The following EEF2K variants were observed in gnomAD, a reference collection of about 807,000 sequenced individuals.
EEF2K encodes alternative protein EEF2K.
In EEF2K, 70 loss-of-function variants were observed where a neutral mutation model predicts 93.8. The ratio of observed to expected loss-of-function variants is 0.75; its 90% CI spans 0.62 to 0.91. The LOEUF (loss-of-function observed/expected upper bound fraction) is 0.91, where lower values mean the gene tolerates loss of function less well. Ranked by LOEUF, EEF2K falls within the 40% of genes least tolerant of loss-of-function variation. EEF2K has a pLI of 0.00. For synonymous variants in EEF2K, 376 were observed against 380.8 expected (o/e 0.99, Z 0.15); for missense variants, 935 against 972.9 (o/e 0.96, Z 0.52).
At chr16:22,262,045 T>C (rs2047470732) in intron 11 of EEF2K, among the ~76,000 whole-genome samples, 1 of 147,954 alleles carries the variant, frequency 6.8e-6, no homozygotes. Flanking sequence ...ACAGAAAAGA[T>C]ACTTCTTAGA....
intron 15 of EEF2K, among the ~76,000 whole-genome samples, chr16:22,267,236 A>G (rs576111905): frequency 2.6e-5 from 4 of 152,204 alleles, no homozygotes; most frequent in Non-Finnish European, 5.9e-5. Context: ...GTGTATCCCT[A>G]GTGGCTGGGG....
chr16:22,225,824 A>G lies in EEF2K; in HGVS notation c.95A>G (p.Asp32Gly), dbSNP rs954169807. The G allele has an allele frequency of 6.2e-7, 1 of 1,614,130 alleles. No individual in the cohort carries two copies. Among genetic ancestry groups the G allele is most frequent in the African/African-American group, 1.3e-5 (1 of 74,948 alleles). Residue 32 changes from aspartate (D) to glycine (G), a missense_variant, in exon 2 of 18, where the codon GAC (aspartate) becomes GGC (glycine). Transcript: ENST00000263026. ...GATGGTGATTCTGATGGGGACAGCG[A>G]CGATGAGGAAGGTTACTTCATCTGC... is the stretch of plus-strand genomic sequence containing the variant. ...GHDGDSDGDS[D>G]DEEGYFICPI... is the part of the protein sequence containing the mutation.
At chr16:22,271,265 C>T (rs1485286292) in intron 15 of EEF2K, among the ~76,000 whole-genome samples, 5 of 152,162 alleles carry the variant, frequency 3.3e-5, no homozygotes, top group South Asian at 2.1e-4. Flanking sequence ...CCACCACACC[C>T]GGCCTTTCTC....
At chr16:22,224,843 C>T (rs567170686) in intron 1 of EEF2K, among the ~76,000 whole-genome samples, 7 of 151,764 alleles carry the variant, frequency 4.6e-5, no homozygotes, top group Admixed American at 2.6e-4. Context: ...ATCCCAGCTA[C>T]GCGCGAGGCT....
At chr16:22,283,286 G>GT (rs1020654071) in intron 17 of EEF2K, among the ~76,000 whole-genome samples, 1 of 144,100 alleles carries the variant, frequency 6.9e-6, no homozygotes, top group African/African-American at 2.6e-5. Flanking sequence ...TCCAGCCTGG[G>GT]TGACAGAGTG....
At chr16:22,212,798 AC>A (rs1345267934) in intron 1 of EEF2K, among the ~76,000 whole-genome samples, 6 of 151,968 alleles carry the variant, frequency 3.9e-5, no homozygotes, top group Non-Finnish European at 5.9e-5. Context: ...GTGGCAAGAC[AC>A]CATCTCTACA....
chr16:22,215,396 T>C (rs74014910), intron 1 of EEF2K, among the ~76,000 whole-genome samples: 41 of 152,180 alleles, frequency 2.7e-4, no homozygotes, highest in African/African-American at 9.9e-4. Context: ...TGGTGGTGCA[T>C]GGAGATTGAT....
intron 16 of EEF2K, among the ~76,000 whole-genome samples, chr16:22,274,895 C>T (rs1008252018): frequency 5.3e-5 from 8 of 152,168 alleles, no homozygotes; most frequent in African/African-American, 9.7e-5. Context: ...TGAGCCACCA[C>T]GCCTGACTAG....
chr16:22,238,652 A>T (rs2141661029), intron 2 of EEF2K, among the ~76,000 whole-genome samples: 1 of 146,756 alleles, frequency 6.8e-6, no homozygotes, highest in South Asian at 2.1e-4. Context: ...CTGGTCTCAA[A>T]AAAAAAGAAA....
intron 6 of EEF2K, among the ~76,000 whole-genome samples, chr16:22,255,321 G>T (rs2047388667): frequency 6.6e-6 from 1 of 152,206 alleles, no homozygotes; most frequent in African/African-American, 2.4e-5. Flanking sequence ...GCATTGGTGG[G>T]TGGCTTGGGG....
In EEF2K at chr16:22,280,349, G is replaced by T; in HGVS notation, c.2041G>T (p.Gly681Trp). 1 of 1,593,822 alleles carries T rather than the reference G, an allele frequency of 6.3e-7. No individual in the cohort carries two copies. Among genetic ancestry groups the T allele is most frequent in the Non-Finnish European group, 8.5e-7 (1 of 1,169,958 alleles). ...EAEMLFTGGY[G>W]LEKDPQRSGD... ...CGAGATGCTGTTCACAGGAGGCTAC[G>T]GGCTGGAGAAGGACCCGCAGAGATC... The change falls in exon 17 of 18, where the codon GGG becomes TGG. Residue 681 changes from glycine to tryptophan, a missense_variant. Transcript: ENST00000263026.
At chr16:22,235,286 TA>T (rs1249427733) in intron 2 of EEF2K, among the ~76,000 whole-genome samples, 3 of 152,172 alleles carry the variant, frequency 2.0e-5, no homozygotes, top group Non-Finnish European at 2.9e-5. Context: ...TATTTCACTT[TA>T]AATATACACA....
rs549923900 is a variant in EEF2K at position 22,260,623 on chromosome 16, G to T, written c.1299+94G>T. 258 of 1,522,484 alleles carry T rather than the reference G, an allele frequency of 1.7e-4. 2 individuals carry two copies. The South Asian group carries it at 2.7e-3, about 16-fold the overall frequency. The allele number at this position is 1,522,484 out of a possible 1,614,324, so 94.3% of individuals were successfully genotyped here. ...AGTGAATCTTCAGCTTCGGAGGTGG[G>T]CAGCCTAGCCCAGGCACTGCCAGGA... On this transcript the variant is annotated intron_variant, in intron 11 of 17. Coordinates refer to ENST00000263026, the MANE Select transcript of EEF2K (RefSeq NM_013302.5).
chr16:22,225,574 G>A, intron 1 of EEF2K, 80 bp from the exon 2 acceptor site: 1 of 1,167,200 alleles, frequency 8.6e-7, no homozygotes, highest in Non-Finnish European at 1.2e-6. Context: ...GCGATAGCCT[G>A]CAGCATTTGG....
chr16:22,281,629 G>A (rs200456184), intron 17 of EEF2K, among the ~76,000 whole-genome samples: 6 of 152,176 alleles, frequency 3.9e-5, no homozygotes, highest in African/African-American at 9.6e-5. Flanking sequence ...AAGAAATCCC[G>A]TACCAGTTAG....
At chr16:22,251,415 TC>T in intron 6 of EEF2K, 93 bp downstream of exon 6, 25 of 1,383,076 alleles carry the variant, frequency 1.8e-5, no homozygotes, top group South Asian at 7.5e-5. Flanking sequence ...TATTTCACCT[TC>T]TTTTTTTTTT....
At chr16:22,283,231 C>T (rs1211862247) in intron 17 of EEF2K, among the ~76,000 whole-genome samples, 1 of 149,166 alleles carries the variant, frequency 6.7e-6, no homozygotes, top group African/African-American at 2.5e-5. Flanking sequence ...ATCGCTTGAA[C>T]CCCAGAGGCA....
intron 1 of EEF2K, among the ~76,000 whole-genome samples, chr16:22,212,609 C>T (rs920243311): frequency 2.6e-5 from 4 of 151,968 alleles, no homozygotes; most frequent in East Asian, 3.9e-4. Context: ...CGTGAGCCAC[C>T]GCACCTGGCC....
At chr16:22,225,453 A>T (rs1022318313) in intron 1 of EEF2K, among the ~76,000 whole-genome samples, 1 of 152,180 alleles carries the variant, frequency 6.6e-6, no homozygotes, top group Non-Finnish European at 1.5e-5. Flanking sequence ...GAGTTCTTAA[A>T]AGTGGAATGA....
Sources: gnomAD v4.1 joint callset for allele counts (sites outside exome capture counted in the v4.1 genomes callset) on GRCh38, gnomAD v4.1.1 for gene constraint, MANE v1.5 for transcripts, NCBI Gene and HGNC (gene_info 2026-07-23, HGNC 2026-07-21) for gene names.